MMP17: variants seen among roughly 807,000 people sequenced by gnomAD.
MMP17 encodes the protein matrix metalloproteinase-17.
MMP17 carries 54 observed loss-of-function variants against 49.1 expected under a neutral mutation model. The ratio of observed to expected loss-of-function variants is 1.10; its 90% CI spans 0.88 to 1.38. MMP17 has a LOEUF of 1.38. Among genes scored for constraint, MMP17 ranks in the 40% most tolerant of loss-of-function variants. MMP17 has a pLI of 0.00. For synonymous variants in MMP17, 397 were observed against 383.1 expected (o/e 1.04, Z -0.42); for missense variants, 837 against 853.7 (o/e 0.98, Z 0.24).
chr12:131,846,586 G>C lies in MMP17; in HGVS notation c.1204+1137G>C, dbSNP rs1023031757. On this transcript the variant is annotated intron_variant, in intron 8 of 9. Coordinates refer to ENST00000360564, the MANE Select transcript of MMP17 (RefSeq NM_016155.7). The surrounding 1 kb of genome is among the most constrained non-coding windows in gnomAD (Gnocchi z 4.6). The stretch of plus-strand genomic sequence containing the variant: ...GACAGGGTTTCACCACGTTGGCCAG[G>C]CTGGTCTCGAACTCCTGACTTCAGG... Among the ~76,000 whole-genome samples the C allele has an allele frequency of 1.3e-4, 20 of 152,044 alleles. No individual in the cohort carries two copies. Among genetic ancestry groups the C allele is most frequent in the African/African-American group, 4.6e-4 (19 of 41,388 alleles).
At chr12:131,832,644 C>T (rs190043905) in intron 1 of MMP17, among the ~76,000 whole-genome samples, 5 of 151,974 alleles carry the variant, frequency 3.3e-5, no homozygotes, top group Admixed American at 3.3e-4. Context: ...TGGGCACCCG[C>T]CTCTGGGATT....
chr12:131,831,188 T>G (rs545038320), intron 1 of MMP17, among the ~76,000 whole-genome samples: 1 of 151,912 alleles, frequency 6.6e-6, no homozygotes, highest in Non-Finnish European at 1.5e-5. Context: ...GCGGCGAGAG[T>G]GTCTCGGGAT....
intron 1 of MMP17, among the ~76,000 whole-genome samples, chr12:131,830,455 G>GCGTGGAGCCTCCGTCCTGC (rs1484381570): frequency 6.6e-6 from 1 of 152,250 alleles, no homozygotes; most frequent in Non-Finnish European, 1.5e-5. Context: ...GCCCGGCCTG[G>GCGTGGAGCCTCCGTCCTGC]CGTGGAGCCT....
chr12:131,831,018 C>T (rs1886766007), intron 1 of MMP17, among the ~76,000 whole-genome samples: 1 of 152,298 alleles, frequency 6.6e-6, no homozygotes, highest in Non-Finnish European at 1.5e-5. Context: ...ACGGATGGGA[C>T]GCGGCTCTCC....
At position 131,837,969 on chromosome 12, in the gene MMP17, C is replaced by T. The variant is rs1348470341; in HGVS notation, c.160-226C>T. The T allele has an allele frequency of 1.1e-5, 5 of 447,770 alleles. No individual in the cohort carries two copies. The East Asian group carries it at 1.4e-4, about 13-fold the overall frequency. 27.7% of individuals were successfully genotyped at this position (447,770 alleles called of 1,614,324 possible). Reference sequence around the variant, plus strand: ...TCATGATCCGCCTGCCTCGGCCTCCCAAACTGCTGGGATTACAGGCGTGAG... The same window carrying T: ...TCATGATCCGCCTGCCTCGGCCTCCTAAACTGCTGGGATTACAGGCGTGAG... On this transcript the variant is annotated intron_variant, in intron 1 of 9. Transcript: ENST00000360564.
chr12:131,834,357 C>T (rs906428337), intron 1 of MMP17, among the ~76,000 whole-genome samples: 6 of 152,192 alleles, frequency 3.9e-5, no homozygotes, highest in African/African-American at 1.2e-4. Flanking sequence ...CTGCAGCACC[C>T]GCCCGCCACA....
chr12:131,850,017 G>T lies in MMP17; in HGVS notation c.1420G>T (p.Gly474Cys), dbSNP rs1201046448. 1.2e-6 allele frequency: 2 copies of T among 1,613,260 alleles called. No homozygotes were observed. The highest frequency in any genetic ancestry group is 2.7e-5 in the African/African-American group (2 of 74,944). ...GYPAQSPLWR[G>C]VPSTLDDAMR... ...CCCCGCCCAGAGCCCCCTGTGGAGGGGTGTCCCCAGCACGCTGGACGACGC... is the reference window on the plus strand; with the variant it reads ...CCCCGCCCAGAGCCCCCTGTGGAGGTGTGTCCCCAGCACGCTGGACGACGC... The change falls in exon 9 of 10, where the codon GGT becomes TGT. Residue 474 changes from glycine (G) to cysteine (C), a missense_variant. Physicochemically the swap from Gly to Cys is radical, Grantham distance 159 (BLOSUM62 -3). Coordinates refer to ENST00000360564, the MANE Select transcript of MMP17 (RefSeq NM_016155.7).
At chr12:131,833,966 G>A (rs1254792776) in intron 1 of MMP17, among the ~76,000 whole-genome samples, 3 of 152,238 alleles carry the variant, frequency 2.0e-5, no homozygotes, top group African/African-American at 4.8e-5. Context: ...TGTGCATTAC[G>A]CCCTCTTAAG....
intron 4 of MMP17, 113 bp downstream of exon 4, chr12:131,840,969 G>C: frequency 7.8e-7 from 1 of 1,281,430 alleles, no homozygotes; most frequent in Non-Finnish European, 1.0e-6. Flanking sequence ...ACACGCGGCT[G>C]CTCCTGAGCA....
intron 8 of MMP17, among the ~76,000 whole-genome samples, chr12:131,847,414 A>G (rs1887769107): frequency 6.8e-6 from 1 of 146,264 alleles, no homozygotes; most frequent in Non-Finnish European, 1.5e-5. Flanking sequence ...CTCCGTCTCA[A>G]AAAAAAAAAA....
At position 131,840,843 on chromosome 12, in the gene MMP17, C is replaced by T. The variant is rs770227291; in HGVS notation, c.693C>T (p.Thr231=). The part of the protein sequence containing the change: ...DTHFDDDEAW[T]FRSSDAHGMD... ...ACTTTGACGATGACGAGGCCTGGACCTTCCGCTCCTCGGGTGCGTCTGGGG... is the reference window on the plus strand; with the variant it reads ...ACTTTGACGATGACGAGGCCTGGACTTTCCGCTCCTCGGGTGCGTCTGGGG... The change falls in exon 4 of 10, where the codon ACC becomes ACT. Residue 231 remains threonine, a synonymous_variant. Transcript: ENST00000360564. The T allele has an allele frequency of 1.9e-6, 3 of 1,600,782 alleles. No individual in the cohort carries two copies. The highest frequency in any genetic ancestry group is 3.3e-5 in the Admixed American group (2 of 59,720).
At chr12:131,844,259 C>A in intron 6 of MMP17, 178 bp downstream of exon 6, 1 of 609,598 alleles carries the variant, frequency 1.6e-6, no homozygotes, top group Non-Finnish European at 2.9e-6. Flanking sequence ...CGGCCCTCCC[C>A]TGCCAGGGGT....
At chr12:131,830,305 C>T (rs1593218681) in intron 1 of MMP17, among the ~76,000 whole-genome samples, 1 of 152,120 alleles carries the variant, frequency 6.6e-6, no homozygotes, top group East Asian at 1.9e-4. Flanking sequence ...GGGGGTCACC[C>T]GCCCCGCGCC....
At chr12:131,843,964 G>T (rs1478251986) in intron 5 of MMP17, 33 bp from the exon 6 acceptor site, 10 of 1,495,514 alleles carry the variant, frequency 6.7e-6, no homozygotes, top group Non-Finnish European at 8.1e-6. Context: ...GGCGTCGGGG[G>T]TTTGAGGCCG....
At chr12:131,836,421 T>A (rs909790111) in intron 1 of MMP17, among the ~76,000 whole-genome samples, 1 of 151,248 alleles carries the variant, frequency 6.6e-6, no homozygotes. Flanking sequence ...GACCAGAACC[T>A]GGAGGCCCAG....
chr12:131,848,461 G>A (rs916062598), intron 8 of MMP17, among the ~76,000 whole-genome samples: 2 of 152,210 alleles, frequency 1.3e-5, no homozygotes, highest in Admixed American at 6.5e-5. Flanking sequence ...GCCACAGCTC[G>A]GTGGCATGAA....
At chr12:131,831,510 C>A (rs1886792646) in intron 1 of MMP17, among the ~76,000 whole-genome samples, 1 of 151,968 alleles carries the variant, frequency 6.6e-6, no homozygotes, top group Non-Finnish European at 1.5e-5. Flanking sequence ...AGGGTGTCCC[C>A]TCTCACCCTG....
At chr12:131,850,168 CG>C (rs1887904162) in intron 9 of MMP17, 109 bp downstream of exon 9, 1 of 1,397,030 alleles carries the variant, frequency 7.2e-7, no homozygotes, top group Non-Finnish European at 9.5e-7. Flanking sequence ...CGGCCCCGGT[CG>C]GTGTGGGCTC....
At chr12:131,842,308 C>T (rs540966410) in intron 5 of MMP17, among the ~76,000 whole-genome samples, 122 of 152,262 alleles carry the variant, frequency 8.0e-4, no homozygotes, top group Non-Finnish European at 1.3e-3. Context: ...GAGGCCGACG[C>T]GGTCACCTCA....
Sources: gnomAD v4.1 joint callset for allele counts (sites outside exome capture counted in the v4.1 genomes callset) on GRCh38, gnomAD v4.1.1 for gene constraint, Gnocchi (gnomAD v3.1) non-coding constraint, MANE v1.5 for transcripts, NCBI Gene and HGNC (gene_info 2026-07-23, HGNC 2026-07-21) for gene names.